The following OTOF variants were observed in gnomAD, a reference collection of about 807,000 sequenced individuals.
The protein encoded by OTOF is otoferlin, also known as fer-1-like family member 2.
OTOF carries 218 observed loss-of-function variants against 236.8 expected under a neutral mutation model. The ratio of observed to expected loss-of-function variants is 0.92; its 90% CI spans 0.82 to 1.03. The LOEUF (loss-of-function observed/expected upper bound fraction) is 1.03. Ranked by LOEUF, OTOF falls within the 50% of genes least tolerant of loss-of-function variation. OTOF has a pLI of 0.00. For missense variants in OTOF, 2,590 were observed against 2,694.4 expected (o/e 0.96, Z 0.86); for synonymous variants, 1,041 against 1,072.5 (o/e 0.97, Z 0.57).
At chr2:26,465,922 G>T (rs778373593) in intron 37 of OTOF, 27 bp downstream of exon 37, 8 of 1,614,216 alleles carry the variant, frequency 5.0e-6, no homozygotes, top group Non-Finnish European at 6.8e-6. Context: ...TAGGGGTGTG[G>T]CAGGGGAGGG....
At chr2:26,469,068 T>G (rs1572413706) in intron 32 of OTOF, among the ~76,000 whole-genome samples, 1 of 148,590 alleles carries the variant, frequency 6.7e-6, no homozygotes, top group Admixed American at 6.6e-5. Context: ...AAAAAAGAAA[T>G]AACACCTTGC....
chr2:26,492,378 A>G (rs1665869970), intron 9 of OTOF, among the ~76,000 whole-genome samples: 1 of 152,238 alleles, frequency 6.6e-6, no homozygotes, highest in Non-Finnish European at 1.5e-5. Context: ...GAGGAAACAG[A>G]AACAAAATCA....
In OTOF at chr2:26,483,648, C is replaced by A. The variant is rs1233499839; in HGVS notation, c.1206G>T (p.Gly402=). The A allele has an allele frequency of 6.2e-7, 1 of 1,611,808 alleles. No individual in the cohort carries two copies. The highest frequency in any genetic ancestry group is 1.7e-5 in the Admixed American group (1 of 60,002). ...ANETDEDDIE[G]NLLLPEGVPP... ...GCACCCCCTCGGGGAGCAGCAAGTT[C>A]CTGCCAGCACATACAGCCAGGGCCA... is the stretch of plus-strand genomic sequence containing the variant. The change falls in exon 13 of 47, where the codon GGG becomes GGT. Residue 402 remains glycine (G), a splice_region_variant and synonymous_variant. Transcript: ENST00000272371.
chr2:26,491,696 G>T (rs569846602), intron 9 of OTOF, among the ~76,000 whole-genome samples: 1 of 152,206 alleles, frequency 6.6e-6, no homozygotes, highest in African/African-American at 2.4e-5. Context: ...AGGACACACA[G>T]GAAAGGAGCC....
rs932408563 is a variant in OTOF at position 26,480,915 on chromosome 2, G to C, written c.1674C>G (p.Gly558=). 2 of 1,613,004 alleles carry C rather than the reference G, an allele frequency of 1.2e-6. No individual in the cohort carries two copies. Among genetic ancestry groups the C allele is most frequent in the Non-Finnish European group, 1.7e-6 (2 of 1,179,982 alleles). ...LLDEHQDLNE[G]LGEGVSFRAR... ...CCCGGAAGGACACACCCTCCCCCAGGCCCTCGTTCAGGTCCTGATGCTCAT... is the reference window on the plus strand; with the variant it reads ...CCCGGAAGGACACACCCTCCCCCAGCCCCTCGTTCAGGTCCTGATGCTCAT... Residue 558 remains glycine (G), a synonymous_variant, in exon 15 of 47, where the codon GGC becomes GGG. Coordinates refer to ENST00000272371, the MANE Select transcript of OTOF (RefSeq NM_194248.3).
intron 9 of OTOF, among the ~76,000 whole-genome samples, chr2:26,492,988 G>C (rs546904783): frequency 1.1e-4 from 16 of 152,136 alleles, no homozygotes; most frequent in Non-Finnish European, 2.1e-4. Flanking sequence ...CCTTAAGTTA[G>C]CAGAAGTGGC....
intron 32 of OTOF, among the ~76,000 whole-genome samples, 163 bp from the exon 33 acceptor site, chr2:26,468,637 A>T (rs1039820346): frequency 1.3e-5 from 2 of 152,202 alleles, no homozygotes; most frequent in Admixed American, 1.3e-4. Context: ...GGTTAAAAAA[A>T]GTTTATAATG....
At chr2:26,510,761 G>C in intron 5 of OTOF, 10 of 1,288,356 alleles carry the variant, frequency 7.8e-6, no homozygotes, top group African/African-American at 7.6e-5. Context: ...TGAGTAGGGG[G>C]AAGAAATGAG....
chr2:26,474,458 C>G lies in OTOF; in HGVS notation c.3288+55G>C, dbSNP rs1000918315. 2.0e-6 allele frequency: 3 copies of G among 1,507,994 alleles called. No homozygotes were observed. The African/African-American group carries it at 4.2e-5, about 21-fold the overall frequency. 93.4% of individuals were successfully genotyped at this position (1,507,994 alleles called of 1,614,324 possible). A position where few individuals can be genotyped will look rare whatever the true frequency, so the allele number is the denominator to read the frequency against. ...CAGGGTCCAGCCCCCAGCCCTAGGCCCCAACTCCCAGCCTCCAGTCCCCAG... is the reference window on the plus strand; with the variant it reads ...CAGGGTCCAGCCCCCAGCCCTAGGCGCCAACTCCCAGCCTCCAGTCCCCAG... On this transcript the variant is annotated intron_variant, in intron 26 of 46. Transcript: ENST00000272371.
intron 11 of OTOF, among the ~76,000 whole-genome samples, chr2:26,487,131 G>A (rs1665719104): frequency 6.6e-6 from 1 of 152,192 alleles, no homozygotes; most frequent in Non-Finnish European, 1.5e-5. Context: ...GGTGAGAAGA[G>A]GTTCTCTCGG....
chr2:26,495,354 G>A (rs182309993), intron 8 of OTOF, among the ~76,000 whole-genome samples: 3 of 152,298 alleles, frequency 2.0e-5, no homozygotes, highest in African/African-American at 7.2e-5. Flanking sequence ...GGGAGGGAGA[G>A]GCATTAAAAA....
chr2:26,489,772 C>T (rs1463673370), intron 9 of OTOF, 32 bp from the exon 10 acceptor site: 1 of 1,555,658 alleles, frequency 6.4e-7, no homozygotes, highest in Admixed American at 1.7e-5. Flanking sequence ...CCTGCTGTCA[C>T]TGAGGGCAGC....
chr2:26,495,122 G>C, intron 8 of OTOF, 49 bp from the exon 9 acceptor site: 2 of 1,611,404 alleles, frequency 1.2e-6, no homozygotes, highest in Non-Finnish European at 1.7e-6. Context: ...CTGAGCCTAG[G>C]AGCCTGGTCC....
In OTOF at chr2:26,479,531, C is replaced by A. The variant is rs1665464583; in HGVS notation, c.2035G>T (p.Ala679Ser). 4 of 1,608,820 alleles carry A rather than the reference C, an allele frequency of 2.5e-6. No homozygotes were observed. The highest frequency in any genetic ancestry group is 3.4e-6 in the Non-Finnish European group (4 of 1,178,450). Residue 679 changes from alanine (A) to serine (S), a missense_variant, in exon 17 of 47, where the codon GCC (alanine) becomes TCC (serine). Coordinates refer to ENST00000272371, the MANE Select transcript of OTOF (RefSeq NM_194248.3). ...QNASDDEAGD[A>S]GDLASVSSTP... is the part of the protein sequence containing the mutation. The stretch of plus-strand genomic sequence containing the variant: ...GAGGAGACTGAGGCCAGGTCCCCGG[C>A]ATCACCGGCCTCGTCATCACTTGCG...
intron 36 of OTOF, chr2:26,466,314 G>A: frequency 1.7e-6 from 1 of 589,406 alleles, no homozygotes; most frequent in South Asian, 2.0e-5. Flanking sequence ...CCCAGTCTGG[G>A]GCTGTCAGTA....
At chr2:26,511,478 C>T (rs1666388617) in intron 5 of OTOF, among the ~76,000 whole-genome samples, 2 of 152,210 alleles carry the variant, frequency 1.3e-5, no homozygotes, top group South Asian at 4.1e-4. Flanking sequence ...AAGTGAATAA[C>T]AATTAGCAAA....
chr2:26,476,187 A>T lies in OTOF; in HGVS notation c.2807T>A (p.Val936Asp), dbSNP rs758010380. The change falls in exon 23 of 47, where the codon GTC (valine) becomes GAC (aspartate). Residue 936 changes from valine (V) to aspartate (D), a missense_variant. Val to Asp is a radical substitution (Grantham distance 152). Transcript: ENST00000272371. Reference protein sequence around the residue: ...LCGLPCGFQEVKAAQGLGLHA... With the variant: ...LCGLPCGFQEDKAAQGLGLHA... ...CAGGCCCAGGCCCTGGGCTGCCTTG[A>T]CCTCCTGGAAGCCACAGGGCAGGCC... 50 of 1,610,350 alleles carry T rather than the reference A, an allele frequency of 3.1e-5. No homozygotes were observed. Among genetic ancestry groups the T allele is most frequent in the Non-Finnish European group, 4.2e-5 (49 of 1,179,698 alleles).
rs139525746 is a variant in OTOF, at chr2:26,466,029, G to A, written c.4548C>T (p.Tyr1516=). ...PADINGKADP[Y]IAIRLGKTDI... ...CAGTCTTGCCTAGCCGGATGGCGAT[G>A]TAGGGGTCAGCTTTGCCGTTGATGT... is the stretch of plus-strand genomic sequence containing the variant. Residue 1516 remains tyrosine (Y), a synonymous_variant, in exon 37 of 47, where the codon TAC becomes TAT. Transcript: ENST00000272371. The A allele has an allele frequency of 8.2e-5, 133 of 1,614,246 alleles. No homozygotes were observed. The African/African-American group carries it at 1.6e-3, about 19-fold the overall frequency.
At position 26,470,497 on chromosome 2, in the gene OTOF, T is replaced by C; in HGVS notation, c.4023+96A>G. The stretch of plus-strand genomic sequence containing the variant: ...CCATCCCAAACTCACATGAATGGAG[T>C]TGGGATCCAGCTCTTGGGGGCCGTG... On this transcript the variant is annotated intron_variant, in intron 32 of 46. Transcript: ENST00000272371. This position sits in a 1 kb window ranked among gnomAD's most constrained non-coding sequence, Gnocchi z 4.3. 1 of 1,218,998 alleles carries C rather than the reference T, an allele frequency of 8.2e-7. No individual in the cohort carries two copies. The highest frequency in any genetic ancestry group is 1.2e-6 in the Non-Finnish European group (1 of 823,114). 75.5% of individuals were successfully genotyped at this position (1,218,998 alleles called of 1,614,324 possible).
Sources: gnomAD v4.1 joint callset for allele counts (sites outside exome capture counted in the v4.1 genomes callset) on GRCh38, gnomAD v4.1.1 for gene constraint, Gnocchi (gnomAD v3.1) non-coding constraint, MANE v1.5 for transcripts, NCBI Gene and HGNC (gene_info 2026-07-23, HGNC 2026-07-21) for gene names.